The following NDUFS1 variants were observed in gnomAD, a reference collection of about 807,000 sequenced individuals.
The protein encoded by NDUFS1 is NADH:ubiquinone oxidoreductase core subunit S1, also known as NADH-ubiquinone oxidoreductase 75 kDa subunit, mitochondrial.
Under a neutral mutation model 84.4 loss-of-function variants are expected in NDUFS1, and 61 were observed. The observed-to-expected ratio is 0.72, with a 90% CI of 0.59 to 0.89. The LOEUF (loss-of-function observed/expected upper bound fraction) is 0.89. Among genes scored for constraint, NDUFS1 ranks in the 40% least tolerant of loss-of-function variants. The pLI, the probability that NDUFS1 is intolerant of heterozygous loss-of-function variation, is 0.00. For synonymous variants in NDUFS1, 275 were observed against 290.0 expected (o/e 0.95, Z 0.53); for missense variants, 891 against 890.0 (o/e 1.00, Z -0.01).
At chr2:206,156,793 A>G (rs1687672592) in intron 1 of NDUFS1, among the ~76,000 whole-genome samples, 1 of 152,230 alleles carries the variant, frequency 6.6e-6, no homozygotes, top group Admixed American at 6.5e-5. Context: ...GCAAATATCC[A>G]ATCTGTTTCC....
chr2:206,146,763 C>T, intron 8 of NDUFS1, 140 bp downstream of exon 8: 3 of 745,078 alleles, frequency 4.0e-6, no homozygotes, highest in Non-Finnish European at 6.6e-6. Flanking sequence ...TACTTACCTT[C>T]TATTTAAAGG....
Position 206,119,680 on chromosome 2 carries a change from G to A in NDUFS1, c.*4505C>T, listed in dbSNP as rs997561655. The A allele has an allele frequency of 9.2e-5, 14 of 152,288 alleles. No homozygotes were observed. The highest frequency in any genetic ancestry group is 3.1e-4 in the African/African-American group (13 of 41,556). The allele number at this position is 152,288 out of a possible 1,614,324, so 9.4% of individuals were successfully genotyped here. ...TCCGCCTGCCTCGGCCTCCCAAAGTGCTGGGATTACAGGCTTGAGCTACTG... is the reference window on the plus strand; with the variant it reads ...TCCGCCTGCCTCGGCCTCCCAAAGTACTGGGATTACAGGCTTGAGCTACTG... On this transcript the variant is annotated 3_prime_UTR_variant, in exon 19 of 19. Transcript: ENST00000233190.
At chr2:206,138,438 T>C (rs1691805146) in intron 13 of NDUFS1, 47 bp downstream of exon 13, 4 of 1,583,440 alleles carry the variant, frequency 2.5e-6, no homozygotes, top group African/African-American at 2.7e-5. Context: ...GTTTAAATAA[T>C]AATAATTAAA....
chr2:206,150,317 T>C (rs1010726038), intron 3 of NDUFS1, among the ~76,000 whole-genome samples: 2 of 152,224 alleles, frequency 1.3e-5, no homozygotes, highest in African/African-American at 2.4e-5. Context: ...CTACACATTA[T>C]CTAGCTGGCT....
chr2:206,135,455 A>G (rs1691670140), intron 13 of NDUFS1, among the ~76,000 whole-genome samples: 2 of 152,032 alleles, frequency 1.3e-5, no homozygotes, highest in South Asian at 4.1e-4. Flanking sequence ...CGGGCAGATC[A>G]CGAGGTCAGG....
chr2:206,126,369 CTA>C (rs1335784021), intron 18 of NDUFS1, among the ~76,000 whole-genome samples, 168 bp downstream of exon 18: 2 of 152,158 alleles, frequency 1.3e-5, no homozygotes, highest in Non-Finnish European at 2.9e-5. Flanking sequence ...AACAAAAAAA[CTA>C]GAGTAGAATC....
intron 1 of NDUFS1, among the ~76,000 whole-genome samples, chr2:206,155,267 C>T (rs1687604927): frequency 6.6e-6 from 1 of 150,662 alleles, no homozygotes; most frequent in South Asian, 2.1e-4. Context: ...AGGTGTGTAC[C>T]ACCATGCCAG....
chr2:206,129,939 G>T, intron 15 of NDUFS1, 149 bp downstream of exon 15: 5 of 822,300 alleles, frequency 6.1e-6, no homozygotes, highest in Non-Finnish European at 1.0e-5. Flanking sequence ...AATAACACTT[G>T]TGGTTTGTTT....
intron 12 of NDUFS1, among the ~76,000 whole-genome samples, chr2:206,140,178 C>T (rs192980516): frequency 6.6e-6 from 1 of 152,190 alleles, no homozygotes; most frequent in Admixed American, 6.6e-5. Flanking sequence ...GATCCTGTCT[C>T]TACAAAAGGT....
In NDUFS1 at chr2:206,145,042, G is replaced by A. The variant is rs760231738; in HGVS notation, c.738-16C>T. 1.9e-5 allele frequency: 31 copies of A among 1,609,794 alleles called. No individual in the cohort carries two copies. Among genetic ancestry groups the A allele is most frequent in the Admixed American group, 5.0e-5 (3 of 59,608 alleles). On this transcript the variant is annotated splice_polypyrimidine_tract_variant and intron_variant, in intron 8 of 18. Coordinates refer to ENST00000233190, the MANE Select transcript of NDUFS1 (RefSeq NM_005006.7). ...TTCTGTCTTTCTGAGAAACACATAC[G>A]GTGTTTACTATGGTGCTTTTGGGAA...
intron 14 of NDUFS1, among the ~76,000 whole-genome samples, chr2:206,131,455 A>T (rs932795670): frequency 1.4e-4 from 22 of 152,216 alleles, no homozygotes; most frequent in African/African-American, 5.3e-4. Context: ...AACCTATTGA[A>T]ACCAGGACAC....
chr2:206,142,020 C>T lies in NDUFS1; in HGVS notation c.1183G>A (p.Glu395Lys), dbSNP rs1356892913. 1.5e-5 allele frequency: 24 copies of T among 1,606,858 alleles called. No homozygotes were observed. The South Asian group carries it at 2.5e-4, about 17-fold the overall frequency. The change falls in exon 12 of 19, where the codon GAA (glutamate) becomes AAA (lysine). Residue 395 changes from glutamate (E) to lysine (K), a missense_variant. Transcript: ENST00000233190. ...ACCAGAAGAACAACATCTGCCTCTT[C>T]CACACCAGCAATTGTAGTATTAAGA... ...YLLNTTIAGV[E>K]EADVVLLVGT...
In NDUFS1 at chr2:206,152,410, T is replaced by C. The variant is rs200675161; in HGVS notation, c.153+9A>G. On this transcript the variant is annotated intron_variant, in intron 3 of 18. Transcript: ENST00000233190. ...ACACACACACAAAATAGTTAGAATG[T>C]ATGCCTACTTGGAGGACGGTCGTTC... The C allele has an allele frequency of 7.7e-5, 124 of 1,609,396 alleles. No individual in the cohort carries two copies. In the African/African-American group the frequency reaches 1.5e-3, roughly 19 times the overall value.
intron 13 of NDUFS1, among the ~76,000 whole-genome samples, 156 bp downstream of exon 13, chr2:206,138,329 C>T (rs1264554742): frequency 6.6e-6 from 1 of 152,232 alleles, no homozygotes; most frequent in Non-Finnish European, 1.5e-5. Context: ...GATCCACCTG[C>T]CTCGGACTCC....
Position 206,120,078 on chromosome 2 carries a change from T to A in NDUFS1, c.*4107A>T, listed in dbSNP as rs1462843778. 1 of 152,236 alleles carries A rather than the reference T, an allele frequency of 6.6e-6. No individual in the cohort carries two copies. The highest frequency in any genetic ancestry group is 1.5e-5 in the Non-Finnish European group (1 of 68,076). The allele number at this position is 152,236 out of a possible 1,614,324, so 9.4% of individuals were successfully genotyped here. A position where few individuals can be genotyped will look rare whatever the true frequency, so the allele number is the denominator to read the frequency against. On this transcript the variant is annotated 3_prime_UTR_variant, in exon 19 of 19. Transcript: ENST00000233190. ...TCTTGCTCCCTCTCTCACCATGTGATATGCTCGCTCCCATTTTGCCTTCTA... is the reference window on the plus strand; with the variant it reads ...TCTTGCTCCCTCTCTCACCATGTGAAATGCTCGCTCCCATTTTGCCTTCTA...
In NDUFS1 at chr2:206,124,134, TACA is replaced by T; in HGVS notation, c.*48_*50del. 8.7e-7 allele frequency: 1 copy of T among 1,146,404 alleles called. No homozygotes were observed. The highest frequency in any genetic ancestry group is 1.3e-6 in the Non-Finnish European group (1 of 752,712). 71.0% of individuals were successfully genotyped at this position (1,146,404 alleles called of 1,614,324 possible). On this transcript the variant is annotated 3_prime_UTR_variant, in exon 19 of 19. Transcript: ENST00000233190. ...ATAAACCTGTAAAGGATCACTGCAC[TACA>T]GTTGTCCATTAATTATCTGCGGCAA...
At chr2:206,157,015 T>C (rs774292094) in intron 1 of NDUFS1, among the ~76,000 whole-genome samples, 3 of 152,222 alleles carry the variant, frequency 2.0e-5, no homozygotes, top group Non-Finnish European at 4.4e-5. Context: ...TGTAGTGCAA[T>C]GGTGTGATCT....
At chr2:206,159,160 G>C in intron 1 of NDUFS1, 181 bp downstream of exon 1, 2 of 1,535,590 alleles carry the variant, frequency 1.3e-6, no homozygotes, top group East Asian at 4.9e-5. Context: ...TCAGACCAGA[G>C]ACCGTGGCTA....
At position 206,133,111 on chromosome 2, in the gene NDUFS1, T is replaced by TAAA; in HGVS notation, c.1393-9_1393-7dup. The TAAA allele has an allele frequency of 1.6e-6, 2 of 1,283,996 alleles. No individual in the cohort carries two copies. The highest frequency in any genetic ancestry group is 2.2e-5 in the Admixed American group (1 of 45,898). The allele number at this position is 1,283,996 out of a possible 1,614,324, so 79.5% of individuals were successfully genotyped here. A position where few individuals can be genotyped will look rare whatever the true frequency, so the allele number is the denominator to read the frequency against. On this transcript the variant is annotated splice_polypyrimidine_tract_variant and splice_region_variant and intron_variant, in intron 13 of 18. Transcript: ENST00000233190. ...TTTTTAGCTTCCTTTAGGACCTATT[T>TAAA]AAAAAAAAAAACAACTTTGATTTTA...
Sources: allele counts gnomAD v4.1 joint callset (sites outside exome capture counted in the v4.1 genomes callset), GRCh38; gene constraint gnomAD v4.1.1; transcripts MANE v1.5; gene names NCBI Gene and HGNC (gene_info 2026-07-23, HGNC 2026-07-21).